SEPTIN5: variants seen among roughly 807,000 people sequenced by gnomAD.
SEPTIN5 encodes the protein septin-5.
SEPTIN5 carries 16 observed loss-of-function variants against 51.2 expected under a neutral mutation model. That is an observed-to-expected ratio of 0.31 (90% confidence interval 0.21 to 0.47). The LOEUF is 0.47. Among genes scored for constraint, SEPTIN5 ranks in the 20% least tolerant of loss-of-function variants. The probability of loss-of-function intolerance (pLI) is 0.99; values close to 1 mark genes in which losing one functional copy is unlikely to be tolerated. For synonymous variants in SEPTIN5, 208 were observed against 191.2 expected (o/e 1.09, Z -0.72); for missense variants, 376 against 500.3 (o/e 0.75, Z 2.37).
chr22:19,721,768 G>T (rs1237426062), intron 9 of SEPTIN5, 32 bp downstream of exon 9: 2 of 1,601,054 alleles, frequency 1.2e-6, no homozygotes, highest in East Asian at 4.5e-5. Flanking sequence ...CAGGTCTGGT[G>T]GGGGAAGGCT....
rs2145794731 is a variant in SEPTIN5 at position 19,723,255 on chromosome 22, C to T, written c.*771C>T. ...GATCCCTTCCCGCCACACGATGCTCCGTTTTCTTCCGTTGTGAATGCCGCG... is the reference window on the plus strand; with the variant it reads ...GATCCCTTCCCGCCACACGATGCTCTGTTTTCTTCCGTTGTGAATGCCGCG... On this transcript the variant is annotated 3_prime_UTR_variant, in exon 12 of 12. Coordinates refer to ENST00000455784, the MANE Select transcript of SEPTIN5 (RefSeq NM_002688.6). 1 of 675,716 alleles carries T rather than the reference C, an allele frequency of 1.5e-6. No individual in the cohort carries two copies. Among genetic ancestry groups the T allele is most frequent in the East Asian group, 2.8e-5 (1 of 35,358 alleles). The allele number at this position is 675,716 out of a possible 1,614,324, so 41.9% of individuals were successfully genotyped here.
At chr22:19,720,498 C>A in intron 6 of SEPTIN5, 44 bp downstream of exon 6, 1 of 1,613,318 alleles carries the variant, frequency 6.2e-7, no homozygotes, top group Non-Finnish European at 8.5e-7. Flanking sequence ...GCAGCCCCTA[C>A]AATATGGCCC....
At chr22:19,720,268 C>T (rs1341589361) in intron 5 of SEPTIN5, 30 bp downstream of exon 5, 2 of 1,613,328 alleles carry the variant, frequency 1.2e-6, no homozygotes, top group African/African-American at 2.7e-5. Flanking sequence ...AAAGGCCTTG[C>T]CTAGGCGGCC....
In SEPTIN5 at chr22:19,720,110, C is replaced by T. The variant is rs755568148; in HGVS notation, c.239-5C>T. ...GAGGCCCTTCCAGTGGCCCCTTCCC[C>T]GTAGAGCGCATCAGCCAGACGGTAG... On this transcript the variant is annotated splice_region_variant and splice_polypyrimidine_tract_variant and intron_variant, in intron 4 of 11. Transcript: ENST00000455784. 9.9e-6 allele frequency: 16 copies of T among 1,612,846 alleles called. No individual in the cohort carries two copies. Among genetic ancestry groups the T allele is most frequent in the Middle Eastern group, 1.6e-4 (1 of 6,074 alleles).
Position 19,722,993 on chromosome 22 carries a change from A to G in SEPTIN5, c.*509A>G, listed in dbSNP as rs563590277. ...TAGCGGGCAGGGTTGGGCTGAATCA[A>G]ATGGGAGCCCTCCAGACATAAGGAG... On this transcript the variant is annotated 3_prime_UTR_variant, in exon 12 of 12. Coordinates refer to ENST00000455784, the MANE Select transcript of SEPTIN5 (RefSeq NM_002688.6). 6.7e-6 allele frequency: 3 copies of G among 445,648 alleles called. No homozygotes were observed. In the East Asian group the frequency reaches 1.2e-4, roughly 18 times the overall value. 27.6% of individuals were successfully genotyped at this position (445,648 alleles called of 1,614,324 possible). A position where few individuals can be genotyped will look rare whatever the true frequency, so the allele number is the denominator to read the frequency against.
At chr22:19,721,506 C>T (rs1033311356) in intron 8 of SEPTIN5, 134 bp from the exon 9 acceptor site, 69 of 986,120 alleles carry the variant, frequency 7.0e-5, no homozygotes, top group Non-Finnish European at 9.7e-5. Context: ...AAAGGGGCAA[C>T]GCCAGGATCT....
Position 19,723,192 on chromosome 22 carries a change from G to T in SEPTIN5, c.*708G>T, listed in dbSNP as rs1288353867. The stretch of plus-strand genomic sequence containing the variant: ...CCCCAGCACCGCTGTGGTGTGCCGG[G>T]ATCCTGAGCCTAGGCCTCCCGATGT... On this transcript the variant is annotated 3_prime_UTR_variant, in exon 12 of 12. Coordinates refer to ENST00000455784, the MANE Select transcript of SEPTIN5 (RefSeq NM_002688.6). The T allele has an allele frequency of 3.4e-6, 2 of 595,710 alleles. No homozygotes were observed. Among genetic ancestry groups the T allele is most frequent in the African/African-American group, 3.6e-5 (2 of 55,654 alleles). The allele number at this position is 595,710 out of a possible 1,614,324, so 36.9% of individuals were successfully genotyped here. A position where few individuals can be genotyped will look rare whatever the true frequency, so the allele number is the denominator to read the frequency against.
rs757799227 is a variant in SEPTIN5 at position 19,722,226 on chromosome 22, G to A, written c.951-11G>A. ...CGCCGCCCCGCCCATCCTCCCCCCC[G>A]CCCCGCGCAGCAAACTGACCCAGGA... On this transcript the variant is annotated splice_polypyrimidine_tract_variant and intron_variant, in intron 10 of 11. Coordinates refer to ENST00000455784, the MANE Select transcript of SEPTIN5 (RefSeq NM_002688.6). The A allele has an allele frequency of 3.5e-5, 35 of 1,013,834 alleles. No homozygotes were observed. The highest frequency in any genetic ancestry group is 3.0e-5 in the Non-Finnish European group (20 of 663,896). The allele number at this position is 1,013,834 out of a possible 1,614,324, so 62.8% of individuals were successfully genotyped here. A position where few individuals can be genotyped will look rare whatever the true frequency, so the allele number is the denominator to read the frequency against.
At chr22:19,721,495 G>T (rs1936031041) in intron 8 of SEPTIN5, 145 bp from the exon 9 acceptor site, 2 of 909,484 alleles carry the variant, frequency 2.2e-6, no homozygotes, top group Non-Finnish European at 3.3e-6. Flanking sequence ...AGAGAGGCCA[G>T]AAAGGGGCAA....
At position 19,722,545 on chromosome 22, in the gene SEPTIN5, G is replaced by A. The variant is rs1425161046; in HGVS notation, c.*61G>A. The A allele has an allele frequency of 1.3e-6, 2 of 1,533,086 alleles. No homozygotes were observed. Among genetic ancestry groups the A allele is most frequent in the East Asian group, 2.4e-5 (1 of 40,850 alleles). 95.0% of individuals were successfully genotyped at this position (1,533,086 alleles called of 1,614,324 possible). Reference sequence around the variant, plus strand: ...CCCTCGCACCCCTGGACACCAGACCGGACTGTTCCCGACCCGGAGACGCGG... The same window carrying A: ...CCCTCGCACCCCTGGACACCAGACCAGACTGTTCCCGACCCGGAGACGCGG... On this transcript the variant is annotated 3_prime_UTR_variant, in exon 12 of 12. Transcript: ENST00000455784.
intron 7 of SEPTIN5, 48 bp downstream of exon 7, chr22:19,720,714 A>G (rs747633842): frequency 1.6e-5 from 26 of 1,611,906 alleles, no homozygotes; most frequent in Middle Eastern, 1.6e-4. Context: ...TGGGGCTGAG[A>G]GTACCAGGGG....
rs113615204 is a variant in SEPTIN5 at position 19,714,871 on chromosome 22, G to A, written c.54+80G>A. ...GTGACACTAGCGCCTTGGGCGCCCA[G>A]GCGCGACCCCGCCCCCGCCGGCCCT... On this transcript the variant is annotated intron_variant, in intron 2 of 11. Transcript: ENST00000455784. This position sits in a 1 kb window ranked among gnomAD's most constrained non-coding sequence, Gnocchi z 5.2. 152 of 1,493,992 alleles carry A rather than the reference G, an allele frequency of 1.0e-4. No individual in the cohort carries two copies. The highest frequency in any genetic ancestry group is 9.7e-5 in the East Asian group (4 of 41,138). The allele number at this position is 1,493,992 out of a possible 1,614,324, so 92.5% of individuals were successfully genotyped here.
At position 19,722,459 on chromosome 22, in the gene SEPTIN5, T is replaced by G. The variant is rs868158440; in HGVS notation, c.1085T>G (p.Met362Arg). ...LRRMQEMLQR[M>R]KQQMQDQ ...CGCATGCAGGAGATGCTGCAGAGGA[T>G]GAAGCAGCAGATGCAGGACCAGTGA... The change falls in exon 12 of 12, where the codon ATG (methionine) becomes AGG (arginine). Residue 362 changes from methionine (M) to arginine (R), a missense_variant. By Grantham distance (91) the Met-to-Arg change is moderately conservative (BLOSUM62 -1). This residue lies in a region of SEPTIN5 where 89 missense variants were observed against 83.3 expected (regional missense o/e 1.07). Coordinates refer to ENST00000455784, the MANE Select transcript of SEPTIN5 (RefSeq NM_002688.6). The G allele has an allele frequency of 6.2e-7, 1 of 1,601,628 alleles. No homozygotes were observed.
chr22:19,719,306 G>C (rs980811286), intron 2 of SEPTIN5: 1 of 358,036 alleles, frequency 2.8e-6, no homozygotes, highest in Non-Finnish European at 5.1e-6. Context: ...CGAGGAGGGA[G>C]GACATCGCCT....
chr22:19,718,881 G>C (rs1935963623), intron 2 of SEPTIN5: 11 of 1,225,744 alleles, frequency 9.0e-6, no homozygotes, highest in Non-Finnish European at 1.1e-5. Context: ...ACTCGGCATG[G>C]GGTCCCCGTC....
At chr22:19,716,459 G>A (rs1203465549) in intron 2 of SEPTIN5, among the ~76,000 whole-genome samples, 10 of 152,242 alleles carry the variant, frequency 6.6e-5, no homozygotes, top group Admixed American at 5.2e-4. Flanking sequence ...GAGCTGACTC[G>A]GGTGATTCTA....
chr22:19,722,500 C>T lies in SEPTIN5; in HGVS notation c.*16C>T. On this transcript the variant is annotated 3_prime_UTR_variant, in exon 12 of 12. Transcript: ENST00000455784. Reference sequence around the variant, plus strand: ...GGACCAGTGACGCTCGCCGCGGACACACCGTCCGTCTCCGGGACGCCCTCG... The same window carrying T: ...GGACCAGTGACGCTCGCCGCGGACATACCGTCCGTCTCCGGGACGCCCTCG... 3 of 1,582,836 alleles carry T rather than the reference C, an allele frequency of 1.9e-6. No individual in the cohort carries two copies. The highest frequency in any genetic ancestry group is 1.1e-5 in the South Asian group (1 of 87,436).
intron 10 of SEPTIN5, 27 bp from the exon 11 acceptor site, chr22:19,722,210 G>T: frequency 2.2e-6 from 2 of 901,844 alleles, no homozygotes; most frequent in Non-Finnish European, 1.7e-6. Context: ...GCGCCGCCCC[G>T]CCCATCCTCC....
Position 19,722,933 on chromosome 22 carries a change from G to A in SEPTIN5, c.*449G>A. The A allele has an allele frequency of 2.3e-6, 1 of 441,880 alleles. No homozygotes were observed. The highest frequency in any genetic ancestry group is 2.1e-5 in the South Asian group (1 of 47,636). 27.4% of individuals were successfully genotyped at this position (441,880 alleles called of 1,614,324 possible). ...GAGTGCTGAGACCCCATTTTCTGTC[G>A]AGGCGGGCCGAGTCTTCCCTTATCC... On this transcript the variant is annotated 3_prime_UTR_variant, in exon 12 of 12. Coordinates refer to ENST00000455784, the MANE Select transcript of SEPTIN5 (RefSeq NM_002688.6).
Sources: allele counts gnomAD v4.1 joint callset (sites outside exome capture counted in the v4.1 genomes callset), GRCh38; gene constraint gnomAD v4.1.1; regional missense constraint gnomAD v4.1.1; non-coding constraint Gnocchi (gnomAD v3.1); transcripts MANE v1.5; gene names NCBI Gene and HGNC (gene_info 2026-07-23, HGNC 2026-07-21).